SGCZ: variants seen among roughly 807,000 people sequenced by gnomAD.
The protein encoded by SGCZ is zeta-sarcoglycan.
A neutral mutation model predicts 41.3 loss-of-function variants in SGCZ; 40 were observed. The observed-to-expected ratio is 0.97, with a 90% confidence interval of 0.75 to 1.26. SGCZ has a LOEUF of 1.26. Among genes scored for constraint, SGCZ ranks in the 50% most tolerant of loss-of-function variants. The pLI, the probability that SGCZ is intolerant of heterozygous loss-of-function variation, is 0.00. For missense variants in SGCZ, 552 were observed against 369.8 expected (o/e 1.49, Z -4.04); for synonymous variants, 206 against 137.5 (o/e 1.50, Z -3.49).
At chr8:14,499,287 T>C (rs1461875) in intron 2 of SGCZ, among the ~76,000 whole-genome samples, 32,914 of 151,950 alleles carry the variant, frequency 0.22, 3,582 homozygotes, top group South Asian at 0.25. Flanking sequence ...TACATTTTCT[T>C]AACATATTGT....
chr8:15,193,083 G>C (rs1308116151), intron 1 of SGCZ, among the ~76,000 whole-genome samples: 2 of 152,006 alleles, frequency 1.3e-5, no homozygotes, highest in Admixed American at 6.6e-5. Context: ...ATAGTTGTCT[G>C]GAATTTAAAT....
chr8:14,395,937 G>A (rs559458771), intron 2 of SGCZ, among the ~76,000 whole-genome samples: 1 of 152,196 alleles, frequency 6.6e-6, no homozygotes, highest in Non-Finnish European at 1.5e-5. Flanking sequence ...GACAATTTCA[G>A]TTTCAAGAGG....
chr8:14,385,188 G>C (rs750430737), intron 2 of SGCZ, among the ~76,000 whole-genome samples: 5 of 152,076 alleles, frequency 3.3e-5, no homozygotes, highest in Non-Finnish European at 7.3e-5. Flanking sequence ...TCATAGATTA[G>C]TGAACATGGA....
chr8:15,071,088 CA>C (rs913257176), intron 1 of SGCZ, among the ~76,000 whole-genome samples: 31 of 152,156 alleles, frequency 2.0e-4, no homozygotes, highest in Admixed American at 2.0e-3. Context: ...GAAAGAGAAA[CA>C]TTTTTTTAGA....
At chr8:15,112,027 G>T (rs1287609728) in intron 1 of SGCZ, among the ~76,000 whole-genome samples, 1 of 152,124 alleles carries the variant, frequency 6.6e-6, no homozygotes, top group Non-Finnish European at 1.5e-5. Context: ...CTCAAGGCCT[G>T]CCTTCTGGTA....
intron 2 of SGCZ, among the ~76,000 whole-genome samples, chr8:14,438,996 A>G (rs938209445): frequency 6.6e-6 from 1 of 152,054 alleles, no homozygotes; most frequent in African/African-American, 2.4e-5. Context: ...TGAGATGATT[A>G]TAATGCAGGA....
chr8:15,025,396 G>C (rs1803417635), intron 1 of SGCZ, among the ~76,000 whole-genome samples: 1 of 152,062 alleles, frequency 6.6e-6, no homozygotes, highest in Non-Finnish European at 1.5e-5. Flanking sequence ...ATAAATTTCT[G>C]CTACAGTTTT....
At chr8:14,595,241 T>C (rs1441765327) in intron 1 of SGCZ, among the ~76,000 whole-genome samples, 1 of 152,194 alleles carries the variant, frequency 6.6e-6, no homozygotes, top group Non-Finnish European at 1.5e-5. Flanking sequence ...CAAGATTAAA[T>C]ACAAGTCATT....
intron 1 of SGCZ, among the ~76,000 whole-genome samples, chr8:15,118,573 G>A (rs183980166): frequency 1.5e-4 from 23 of 152,252 alleles, no homozygotes; most frequent in Admixed American, 5.2e-4. Flanking sequence ...GAAGAAAAAC[G>A]TCAAATATAA....
At chr8:14,565,068 T>C (rs1009035428) in intron 1 of SGCZ, among the ~76,000 whole-genome samples, 6 of 152,014 alleles carry the variant, frequency 3.9e-5, no homozygotes, top group Non-Finnish European at 5.9e-5. Flanking sequence ...CTGAGTCAAA[T>C]GTGCTGCCTC....
intron 2 of SGCZ, among the ~76,000 whole-genome samples, chr8:14,378,826 AAACTC>A (rs1804244832): frequency 1.3e-5 from 2 of 152,150 alleles, no homozygotes; most frequent in Non-Finnish European, 2.9e-5. Context: ...ATGTGGGAAT[AAACTC>A]TGCACACTGA....
At chr8:14,827,986 A>G (rs897024308) in intron 1 of SGCZ, among the ~76,000 whole-genome samples, 1 of 152,216 alleles carries the variant, frequency 6.6e-6, no homozygotes, top group African/African-American at 2.4e-5. Context: ...TTTTGCACCA[A>G]AATAAACTCG....
intron 2 of SGCZ, among the ~76,000 whole-genome samples, chr8:14,503,041 C>T (rs1056893190): frequency 2.0e-5 from 3 of 152,116 alleles, no homozygotes; most frequent in Non-Finnish European, 4.4e-5. Context: ...ACTTGCAACT[C>T]ACCCAAATGC....
At chr8:14,817,225 G>A (rs1398102521) in intron 1 of SGCZ, among the ~76,000 whole-genome samples, 4 of 152,220 alleles carry the variant, frequency 2.6e-5, no homozygotes, top group African/African-American at 7.2e-5. Flanking sequence ...GGGGATGGAG[G>A]CACCTGCCTC....
intron 1 of SGCZ, among the ~76,000 whole-genome samples, chr8:14,645,575 C>T (rs1807187069): frequency 6.7e-6 from 1 of 148,456 alleles, no homozygotes; most frequent in African/African-American, 2.5e-5. Flanking sequence ...AAATAAATTC[C>T]TGGTATCCTC....
intron 3 of SGCZ, among the ~76,000 whole-genome samples, chr8:14,310,663 A>T (rs1325023270): frequency 6.6e-6 from 1 of 152,154 alleles, no homozygotes; most frequent in Non-Finnish European, 1.5e-5. Context: ...TGTAAATAAA[A>T]TGTGTACAGT....
intron 1 of SGCZ, among the ~76,000 whole-genome samples, chr8:15,179,806 G>A (rs910759966): frequency 5.3e-5 from 8 of 152,130 alleles, no homozygotes; most frequent in Admixed American, 1.3e-4. Flanking sequence ...TGGAAGGCAC[G>A]TAACCTGATC....
rs1157392207 is a variant in SGCZ, at chr8:15,096,714, T to A, written c.39+140871A>T. Among the ~76,000 whole-genome samples, 3 of 152,206 alleles carry A rather than the reference T, an allele frequency of 2.0e-5. No homozygotes were observed. In the East Asian group the frequency reaches 5.8e-4, roughly 29 times the overall value. On this transcript the variant is annotated intron_variant, in intron 1 of 7. Transcript: ENST00000382080. Reference sequence around the variant, plus strand: ...TTTTATTTTATTTTTTGAGACACAGTCTCGCTCTGTCTCCAGGCTGGAGTG... The same window carrying A: ...TTTTATTTTATTTTTTGAGACACAGACTCGCTCTGTCTCCAGGCTGGAGTG...
chr8:14,914,023 T>A (rs1473295195), intron 1 of SGCZ, among the ~76,000 whole-genome samples: 2 of 152,078 alleles, frequency 1.3e-5, no homozygotes, highest in Non-Finnish European at 2.9e-5. Flanking sequence ...ACATTCTTAA[T>A]AGTCAGTTTA....
Sources: gnomAD v4.1 joint callset for allele counts (sites outside exome capture counted in the v4.1 genomes callset) on GRCh38, gnomAD v4.1.1 for gene constraint, MANE v1.5 for transcripts, NCBI Gene and HGNC (gene_info 2026-07-23, HGNC 2026-07-21) for gene names.